Variants in SRGAP2B observed in about 807,000 individuals in gnomAD.
SRGAP2B encodes SLIT-ROBO Rho GTPase activating protein 2B, also known as SLIT-ROBO Rho GTPase-activating protein 2B.
SRGAP2B carries 9 observed loss-of-function variants against 22.2 expected under a neutral mutation model. The ratio of observed to expected loss-of-function variants is 0.41; its 90% CI spans 0.24 to 0.71. SRGAP2B has a LOEUF of 0.71. SRGAP2B is among the 30% of genes least tolerant of loss of function. The pLI, the probability that SRGAP2B is intolerant of heterozygous loss-of-function variation, is 0.35. For missense variants in SRGAP2B, 114 were observed against 235.8 expected, an observed-to-expected ratio of 0.48 and a Z score of 3.38; for synonymous variants, 36 against 87.4, an observed-to-expected ratio of 0.41 and a Z score of 3.28.
chr1:145,007,549 C>T (rs371823386), intron 2 of SRGAP2B, among the ~76,000 whole-genome samples: 1 of 150,636 alleles, frequency 6.6e-6, no homozygotes, highest in Admixed American at 6.6e-5. Flanking sequence ...AGATGCTATC[C>T]ACTGGAGAGG....
At chr1:145,044,728 G>A (rs1187929125) in intron 2 of SRGAP2B, among the ~76,000 whole-genome samples, 3 of 114,522 alleles carry the variant, frequency 2.6e-5, no homozygotes, top group African/African-American at 6.8e-5. Context: ...GACAGAATGT[G>A]AGCTAAGCAG....
In SRGAP2B at chr1:144,972,919, C is replaced by A. The variant is rs587675583; in HGVS notation, c.261-17318G>T. Among the ~76,000 whole-genome samples the A allele has an allele frequency of 1.5e-5, 2 of 134,332 alleles. 1 individual carries two copies. The highest frequency in any genetic ancestry group is 4.3e-4 in the East Asian group (2 of 4,650). The allele number at this position is 134,332 out of a possible 152,430, so 88.1% of individuals were successfully genotyped here. ...GTCAGGAGTTTGAGACCAGCTTGGG[C>A]AACACGGTAAAACCTTGTCTCTACC... On this transcript the variant is annotated intron_variant, in intron 3 of 9. Transcript: ENST00000612199.
chr1:144,917,527 T>C (rs1553603912), intron 4 of SRGAP2B, among the ~76,000 whole-genome samples: 1 of 138,400 alleles, frequency 7.2e-6, no homozygotes, highest in Admixed American at 7.0e-5. Context: ...TTAAATAACC[T>C]AGCCCCAGAG....
chr1:145,016,846 T>G (rs1268590099), intron 2 of SRGAP2B, among the ~76,000 whole-genome samples: 3 of 151,106 alleles, frequency 2.0e-5, no homozygotes, highest in African/African-American at 4.9e-5. Flanking sequence ...ACTCAAGTTT[T>G]TTTTTTTTTG....
intron 2 of SRGAP2B, among the ~76,000 whole-genome samples, chr1:145,020,480 T>C (rs1260698855): frequency 6.9e-6 from 1 of 144,938 alleles, no homozygotes; most frequent in African/African-American, 2.6e-5. Context: ...GAAAAAATTT[T>C]AAAAAGCAAC....
At chr1:145,069,178 C>A (rs1260766902) in intron 2 of SRGAP2B, among the ~76,000 whole-genome samples, 2 of 148,864 alleles carry the variant, frequency 1.3e-5, no homozygotes, top group African/African-American at 2.5e-5. Flanking sequence ...AATAGAGTCT[C>A]TGAGAGGACA....
At chr1:144,967,524 C>T (rs1668178046) in intron 3 of SRGAP2B, among the ~76,000 whole-genome samples, 1 of 148,378 alleles carries the variant, frequency 6.7e-6, no homozygotes, top group Non-Finnish European at 1.5e-5. Context: ...CACTAAATCC[C>T]CACAAGAGAA....
Position 145,070,114 on chromosome 1 carries a change from T to C in SRGAP2B, c.67+22721A>G, listed in dbSNP as rs1260544952. Among the ~76,000 whole-genome samples, 7 of 150,170 alleles carry C rather than the reference T, an allele frequency of 4.7e-5. 1 individual carries two copies. Among genetic ancestry groups the C allele is most frequent in the Admixed American group, 1.3e-4 (2 of 15,104 alleles). On this transcript the variant is annotated intron_variant, in intron 2 of 9. Coordinates refer to ENST00000612199, the Ensembl canonical transcript of SRGAP2B. ...GCATATGTCATTCCTTTGTACAGTA[T>C]TTTTACAAGTATTTGATTTTGTTTA...
At position 144,974,149 on chromosome 1, in the gene SRGAP2B, G is replaced by A. The variant is rs1367146885; in HGVS notation, c.261-18548C>T. On this transcript the variant is annotated intron_variant, in intron 3 of 9. Coordinates refer to ENST00000612199, the Ensembl canonical transcript of SRGAP2B. ...TGATGGTTAAACCTATCAGTACATA[G>A]AAAGAGTAAAAATGAGAATAAAGGT... 1.1e-4 allele frequency among the ~76,000 whole-genome samples: 16 copies of A among 149,422 alleles called. 2 individuals carry two copies. Among genetic ancestry groups the A allele is most frequent in the African/African-American group, 4.1e-4 (16 of 39,420 alleles).
chr1:144,910,796 A>ATCAGTCAGAAAATGAAAACCACTTATGCC, intron 5 of SRGAP2B, among the ~76,000 whole-genome samples: 1 of 46,826 alleles, frequency 2.1e-5, no homozygotes, highest in Non-Finnish European at 4.2e-5. Flanking sequence ...TTCCCGGTGC[A>ATCAGTCAGAAAATGAAAACCACTTATGCC]TCAGTCAGAA....
At chr1:145,021,385 TA>T (rs1271048850) in intron 2 of SRGAP2B, among the ~76,000 whole-genome samples, 1 of 86,696 alleles carries the variant, frequency 1.2e-5, no homozygotes, top group Non-Finnish European at 2.2e-5. Context: ...AAACAAGTTT[TA>T]GGAAGATAAT....
intron 3 of SRGAP2B, among the ~76,000 whole-genome samples, chr1:144,956,915 C>A (rs1553610438): frequency 1.3e-5 from 2 of 149,756 alleles, no homozygotes; most frequent in African/African-American, 5.0e-5. Flanking sequence ...GGATACTGTA[C>A]ACATATCTGG....
intron 4 of SRGAP2B, among the ~76,000 whole-genome samples, chr1:144,926,659 C>T (rs1664749956): frequency 6.6e-6 from 1 of 150,758 alleles, no homozygotes; most frequent in Non-Finnish European, 1.5e-5. Context: ...GAGTTCAAGA[C>T]CAGGCTGGGC....
chr1:144,966,841 C>A (rs1200008342), intron 3 of SRGAP2B, among the ~76,000 whole-genome samples: 1 of 149,052 alleles, frequency 6.7e-6, no homozygotes, highest in Non-Finnish European at 1.5e-5. Flanking sequence ...GGTTGCAATC[C>A]TAGTCTCTGA....
chr1:145,044,813 A>C (rs1649591627), intron 2 of SRGAP2B, among the ~76,000 whole-genome samples: 1 of 147,984 alleles, frequency 6.8e-6, no homozygotes, highest in African/African-American at 2.5e-5. Flanking sequence ...TGATGGGCCA[A>C]ACCAACTGGA....
chr1:144,982,640 T>A (rs1739169), intron 3 of SRGAP2B, among the ~76,000 whole-genome samples: 1 of 150,936 alleles, frequency 6.6e-6, no homozygotes, highest in African/African-American at 2.5e-5. Flanking sequence ...TAACAGGGGT[T>A]AAGTGACTTG....
chr1:145,041,089 A>ATATATAGTG (rs1553627472), intron 2 of SRGAP2B, among the ~76,000 whole-genome samples: 1 of 118,546 alleles, frequency 8.4e-6, no homozygotes, highest in Non-Finnish European at 1.7e-5. Flanking sequence ...ATATATATAT[A>ATATATAGTG]TATATATATA....
chr1:145,020,745 A>G (rs1363343891), intron 2 of SRGAP2B, among the ~76,000 whole-genome samples: 19 of 150,252 alleles, frequency 1.3e-4, no homozygotes, highest in African/African-American at 4.8e-4. Context: ...ACATATAAGT[A>G]TATCTTCACC....
chr1:144,956,974 G>T (rs1450003758), intron 3 of SRGAP2B, among the ~76,000 whole-genome samples: 3 of 150,564 alleles, frequency 2.0e-5, no homozygotes, highest in Non-Finnish European at 4.4e-5. Flanking sequence ...ACCTGATGAG[G>T]TGGGTGTTAT....
Sources: allele counts gnomAD v4.1 joint callset (sites outside exome capture counted in the v4.1 genomes callset), GRCh38; gene constraint gnomAD v4.1.1; transcripts MANE v1.5; gene names NCBI Gene and HGNC (gene_info 2026-07-23, HGNC 2026-07-21).